PRPF18: variants seen among roughly 807,000 people sequenced by gnomAD.
PRPF18 encodes pre-mRNA-splicing factor 18.
Under a neutral mutation model 46.5 loss-of-function variants are expected in PRPF18, and 38 were observed. The ratio of observed to expected loss-of-function variants is 0.82; its 90% CI spans 0.63 to 1.07. The LOEUF (loss-of-function observed/expected upper bound fraction) is 1.07. PRPF18 is among the 50% of genes least tolerant of loss of function. The probability of loss-of-function intolerance (pLI) is 0.00; values close to 1 mark genes in which losing one functional copy is unlikely to be tolerated. For synonymous variants in PRPF18, 152 were observed against 146.7 expected (o/e 1.04, Z -0.26); for missense variants, 263 against 410.0 (o/e 0.64, Z 3.10).
At chr10:13,601,397 T>C (rs1400407844) in intron 3 of PRPF18, among the ~76,000 whole-genome samples, 2 of 152,210 alleles carry the variant, frequency 1.3e-5, no homozygotes, top group African/African-American at 2.4e-5. Flanking sequence ...AATCATAAAA[T>C]TTAAAGATAA....
chr10:13,649,133 C>T, the PRPF18 span: 2 of 150,438 alleles, frequency 1.3e-5, no homozygotes, highest in Non-Finnish European at 2.9e-5. Context: ...GTAGTTGACT[C>T]TCTTGTATGT....
chr10:13,617,065 T>C (rs2080352625), intron 9 of PRPF18, among the ~76,000 whole-genome samples: 1 of 152,232 alleles, frequency 6.6e-6, no homozygotes, highest in Non-Finnish European at 1.5e-5. Context: ...TTTGTTTTCT[T>C]CAAGTTATAC....
intron 4 of PRPF18, among the ~76,000 whole-genome samples, chr10:13,608,041 A>G (rs1444915386): frequency 1.3e-5 from 2 of 152,234 alleles, no homozygotes; most frequent in South Asian, 2.1e-4. Context: ...ACCTATGACT[A>G]TGTAACAGAC....
At chr10:13,600,060 G>C (rs1049905254) in intron 2 of PRPF18, among the ~76,000 whole-genome samples, 184 bp from the exon 3 acceptor site, 2 of 152,200 alleles carry the variant, frequency 1.3e-5, no homozygotes, top group Non-Finnish European at 2.9e-5. Context: ...TGATGCCCCT[G>C]ACGTGAATAC....
At chr10:13,633,890 G>A (rs2080612251), downstream of PRPF18, among the ~76,000 whole-genome samples, 1 of 152,206 alleles carries the variant, frequency 6.6e-6, no homozygotes, top group African/African-American at 2.4e-5. Context: ...GCCAGCGCCA[G>A]TCCCCAGAGG....
chr10:13,600,392 G>A lies in PRPF18; in HGVS notation c.249+44G>A, dbSNP rs767748776. On this transcript the variant is annotated intron_variant, in intron 3 of 9. Coordinates refer to ENST00000378572, the MANE Select transcript of PRPF18 (RefSeq NM_003675.4). ...GTTTCATGAGAATAAGATCTCCACG[G>A]TGTTTACATTTATCTCCAGCTTTTC... is the stretch of plus-strand genomic sequence containing the variant. The A allele has an allele frequency of 1.2e-5, 17 of 1,410,320 alleles. No homozygotes were observed. In the South Asian group the frequency reaches 1.8e-4, roughly 15 times the overall value. The allele number at this position is 1,410,320 out of a possible 1,614,324, so 87.4% of individuals were successfully genotyped here.
the PRPF18 span, chr10:13,639,519 C>CG: frequency 6.7e-6 from 1 of 148,666 alleles, no homozygotes; most frequent in East Asian, 1.9e-4. Flanking sequence ...TAACGTGGGC[C>CG]AAAAAAAAAA....
At chr10:13,654,494 T>C in the PRPF18 span, 4 of 1,613,540 alleles carry the variant, frequency 2.5e-6, no homozygotes, top group Non-Finnish European at 3.4e-6. Flanking sequence ...CGAGCTTCTC[T>C]GGCTTTGAGG....
At chr10:13,645,346 A>G in the PRPF18 span, 1 of 88,112 alleles carries the variant, frequency 1.1e-5, no homozygotes, top group Non-Finnish European at 2.1e-5. Context: ...TTAGAGTGAG[A>G]AAAAAATTCC....
At chr10:13,613,573 A>G (rs1280152128) in intron 6 of PRPF18, among the ~76,000 whole-genome samples, 168 bp from the exon 7 acceptor site, 1 of 152,262 alleles carries the variant, frequency 6.6e-6, no homozygotes, top group Non-Finnish European at 1.5e-5. Context: ...TCAAAGCATT[A>G]TCATGACCAA....
intron 9 of PRPF18, among the ~76,000 whole-genome samples, chr10:13,621,034 CT>C (rs1158270730): frequency 3.3e-5 from 5 of 152,184 alleles, no homozygotes. Flanking sequence ...TTGGGTAAAG[CT>C]TCTTTTACAT....
intron 9 of PRPF18, among the ~76,000 whole-genome samples, chr10:13,618,615 C>CAAAAAAAAAAA (rs68069523): frequency 2.5e-5 from 1 of 39,990 alleles, no homozygotes; most frequent in African/African-American, 8.6e-5. Context: ...AAGACCCTGT[C>CAAAAAAAAAAA]AAAAAAAAAA....
intron 9 of PRPF18, among the ~76,000 whole-genome samples, chr10:13,620,926 G>A (rs572281504): frequency 6.6e-6 from 1 of 152,284 alleles, no homozygotes; most frequent in East Asian, 1.9e-4. Context: ...ATAGCTTACT[G>A]GCTTGCTTCA....
downstream of PRPF18, chr10:13,632,514 C>T (rs1396020724): frequency 1.3e-5 from 2 of 152,184 alleles, no homozygotes; most frequent in Admixed American, 1.3e-4. Flanking sequence ...CATCAGGTCA[C>T]ACAGTAGAGT....
chr10:13,640,245 T>TGTGATACCTGA, the PRPF18 span: 1 of 152,194 alleles, frequency 6.6e-6, no homozygotes, highest in African/African-American at 2.4e-5. Context: ...CAGTTATCTC[T>TGTGATACCTGA]GTGATACCTG....
At chr10:13,623,720 CAAT>C (rs941524275) in intron 9 of PRPF18, among the ~76,000 whole-genome samples, 1 of 150,558 alleles carries the variant, frequency 6.6e-6, no homozygotes, top group African/African-American at 2.4e-5. Flanking sequence ...TTGTTTTCTG[CAAT>C]AATAAAAAAA....
downstream of PRPF18, among the ~76,000 whole-genome samples, chr10:13,632,210 G>A (rs1209715340): frequency 2.6e-5 from 4 of 152,000 alleles, no homozygotes; most frequent in Non-Finnish European, 5.9e-5. Flanking sequence ...GCATGGTGGC[G>A]GGTGCCTGTA....
Position 13,630,278 on chromosome 10 carries a change from A to G in PRPF18, c.967A>G (p.Thr323Ala). ...TTCTTAGGGATTGAAGAGGTTAATGACCATTTGCCAGAAACACTTTCCTAC... is the reference window on the plus strand; with the variant it reads ...TTCTTAGGGATTGAAGAGGTTAATGGCCATTTGCCAGAAACACTTTCCTAC... Reference protein sequence around the residue: ...KYIQGLKRLMTICQKHFPTDP... With the variant: ...KYIQGLKRLMAICQKHFPTDP... Residue 323 changes from threonine (T) to alanine (A), a missense_variant, in exon 10 of 10, where the codon ACC (threonine) becomes GCC (alanine). Around this residue, in one of 4 missense-constraint regions of PRPF18, gnomAD observed 17 missense variants for 74.2 expected, o/e 0.23. Coordinates refer to ENST00000378572, the MANE Select transcript of PRPF18 (RefSeq NM_003675.4). The G allele has an allele frequency of 6.2e-7, 1 of 1,611,450 alleles. No homozygotes were observed. Among genetic ancestry groups the G allele is most frequent in the East Asian group, 2.2e-5 (1 of 44,842 alleles).
At chr10:13,619,363 C>G (rs1221848534) in intron 9 of PRPF18, among the ~76,000 whole-genome samples, 1 of 152,234 alleles carries the variant, frequency 6.6e-6, no homozygotes, top group Non-Finnish European at 1.5e-5. Flanking sequence ...TAATTATAGA[C>G]TCACAAGAAG....
Sources: allele counts gnomAD v4.1 joint callset (sites outside exome capture counted in the v4.1 genomes callset), GRCh38; gene constraint gnomAD v4.1.1; regional missense constraint gnomAD v4.1.1; transcripts MANE v1.5; gene names NCBI Gene and HGNC (gene_info 2026-07-23, HGNC 2026-07-21).